DNAAF9: variants seen among roughly 807,000 people sequenced by gnomAD.
DNAAF9 encodes shulin.
In DNAAF9, 90 loss-of-function variants were observed where a neutral mutation model predicts 167.0. The ratio of observed to expected loss-of-function variants is 0.54; its 90% CI spans 0.45 to 0.64. DNAAF9 has a LOEUF of 0.64. DNAAF9 is among the 30% of genes least tolerant of loss of function. The pLI is 0.00. For synonymous variants in DNAAF9, 491 were observed against 508.8 expected, an observed-to-expected ratio of 0.96 and a Z score of 0.47; for missense variants, 1,315 against 1,442.2, an observed-to-expected ratio of 0.91 and a Z score of 1.43.
chr20:3,362,138 G>A (rs1169398339), intron 6 of DNAAF9: 17 of 1,393,126 alleles, frequency 1.2e-5, no homozygotes, highest in Admixed American at 1.8e-5. Context: ...CTGTATATTC[G>A]GTTTTCATAA....
chr20:3,269,936 C>T (rs1398056064), intron 30 of DNAAF9, among the ~76,000 whole-genome samples: 3 of 148,866 alleles, frequency 2.0e-5, no homozygotes, highest in Admixed American at 6.7e-5. Context: ...CCAGCCTGGA[C>T]GACAGAGGGA....
In DNAAF9 at chr20:3,362,347, C is replaced by G. The variant is rs6051790; in HGVS notation, c.613-2754G>C. The G allele has an allele frequency of 1.3e-3, 881 of 657,348 alleles. 13 individuals are homozygous for G. In the African/African-American group the frequency reaches 0.014, roughly 11 times the overall value. The allele number at this position is 657,348 out of a possible 1,614,324, so 40.7% of individuals were successfully genotyped here. On this transcript the variant is annotated intron_variant, in intron 6 of 36. Coordinates refer to ENST00000252032, the MANE Select transcript of DNAAF9 (RefSeq NM_001009984.3). ...CATCTTGCACTGCTGTCGCTTGAAG[C>G]GGTTTATTAATAATTATTGTTTACA... is the stretch of plus-strand genomic sequence containing the variant.
intron 12 of DNAAF9, among the ~76,000 whole-genome samples, chr20:3,328,869 CTTTTTT>C (rs572740669): frequency 7.3e-6 from 1 of 136,826 alleles, no homozygotes; most frequent in Non-Finnish European, 1.6e-5. Context: ...CACAATTTTC[CTTTTTT>C]TTTTTTTTTT....
At chr20:3,262,458 C>T (rs1006127325) in intron 31 of DNAAF9, among the ~76,000 whole-genome samples, 5 of 151,980 alleles carry the variant, frequency 3.3e-5, no homozygotes, top group African/African-American at 4.8e-5. Context: ...ACCATGTTGG[C>T]CAGGCTGATC....
intron 12 of DNAAF9, among the ~76,000 whole-genome samples, chr20:3,328,938 C>T (rs1480070522): frequency 2.0e-5 from 3 of 149,434 alleles, no homozygotes; most frequent in Admixed American, 6.7e-5. Flanking sequence ...GGCGCTATCT[C>T]GGCTCACTGC....
At chr20:3,333,300 G>C (rs1476388448) in intron 10 of DNAAF9, among the ~76,000 whole-genome samples, 1 of 152,084 alleles carries the variant, frequency 6.6e-6, no homozygotes, top group African/African-American at 2.4e-5. Flanking sequence ...TTCCTCTTCT[G>C]AAAATCCAAC....
chr20:3,338,109 CACAT>C (rs751736880), intron 10 of DNAAF9, among the ~76,000 whole-genome samples: 42 of 150,240 alleles, frequency 2.8e-4, no homozygotes, highest in Admixed American at 5.3e-4. Context: ...CATACACACA[CACAT>C]ACATAAAGAA....
chr20:3,270,336 T>C, intron 30 of DNAAF9, 91 bp downstream of exon 30: 2 of 1,243,770 alleles, frequency 1.6e-6, no homozygotes, highest in Non-Finnish European at 1.2e-6. Context: ...AATGTTTAGG[T>C]CTTAGATACA....
rs1235820550 is a variant in DNAAF9, at chr20:3,399,168, G to T, written c.83+8307C>A. Among the ~76,000 whole-genome samples, 3 of 152,068 alleles carry T rather than the reference G, an allele frequency of 2.0e-5. No homozygotes were observed. In the East Asian group the frequency reaches 5.8e-4, roughly 29 times the overall value. ...TTCATTCCACACAGCTACCTCCCTG[G>T]TAAAAATAAACAGTTGACTAATCCA... On this transcript the variant is annotated intron_variant, in intron 1 of 36. Coordinates refer to ENST00000252032, the MANE Select transcript of DNAAF9 (RefSeq NM_001009984.3).
Position 3,407,582 on chromosome 20 carries a change from G to A in DNAAF9, c.-25C>T. 6 of 1,230,594 alleles carry A rather than the reference G, an allele frequency of 4.9e-6. No homozygotes were observed. Among genetic ancestry groups the A allele is most frequent in the Non-Finnish European group, 6.1e-6 (6 of 987,004 alleles). The allele number at this position is 1,230,594 out of a possible 1,614,324, so 76.2% of individuals were successfully genotyped here. A position where few individuals can be genotyped will look rare whatever the true frequency, so the allele number is the denominator to read the frequency against. On this transcript the variant is annotated 5_prime_UTR_variant, in exon 1 of 37. Coordinates refer to ENST00000252032, the MANE Select transcript of DNAAF9 (RefSeq NM_001009984.3). The stretch of plus-strand genomic sequence containing the variant: ...TGGCGGCGGACGACTGGCGGCGGAG[G>A]AGGACGGTGCAGCTGCGAGGGTCTC...
At chr20:3,405,145 T>C (rs2084038856) in intron 1 of DNAAF9, among the ~76,000 whole-genome samples, 1 of 152,238 alleles carries the variant, frequency 6.6e-6, no homozygotes, top group South Asian at 2.1e-4. Flanking sequence ...AAAATTCTAC[T>C]ACATGCTCAA....
chr20:3,330,149 C>G (rs1239728618), intron 12 of DNAAF9, among the ~76,000 whole-genome samples: 1 of 152,190 alleles, frequency 6.6e-6, no homozygotes, highest in Non-Finnish European at 1.5e-5. Flanking sequence ...GAGAGAAGAG[C>G]AGATGGCAAA....
intron 17 of DNAAF9, among the ~76,000 whole-genome samples, 166 bp downstream of exon 17, chr20:3,318,123 T>G (rs6051738): frequency 0.89 from 123,453 of 139,402 alleles, 54,898 homozygotes; most frequent in East Asian, 1. Context: ...TTTTTTTTGA[T>G]ACGGGGTCTC....
chr20:3,353,518 C>T (rs1483761954), intron 7 of DNAAF9, among the ~76,000 whole-genome samples: 2 of 151,694 alleles, frequency 1.3e-5, no homozygotes, highest in Non-Finnish European at 2.9e-5. Context: ...GTCCCAGCCT[C>T]TAGGGAAGCT....
At position 3,252,606 on chromosome 20, in the gene DNAAF9, T is replaced by C; in HGVS notation, c.3500A>G (p.Gln1167Arg). 1 of 1,611,532 alleles carries C rather than the reference T, an allele frequency of 6.2e-7. No homozygotes were observed. Among genetic ancestry groups the C allele is most frequent in the Non-Finnish European group, 8.5e-7 (1 of 1,177,590 alleles). ...CAGCTCAAAGAGGTCATGATACTCCTGCTGTTCCAGCTCCTGGTTATACTT... is the reference window on the plus strand; with the variant it reads ...CAGCTCAAAGAGGTCATGATACTCCCGCTGTTCCAGCTCCTGGTTATACTT... ...IEKYNQELEQ[Q>R]EYHDLFELKP Residue 1167 changes from glutamine to arginine, a missense_variant, in exon 37 of 37, where the codon CAG becomes CGG. By Grantham distance (43) the Gln-to-Arg change is conservative. Around this residue, in one of 2 missense-constraint regions of DNAAF9, gnomAD observed 334 missense variants for 429.7 expected, o/e 0.78. Coordinates refer to ENST00000252032, the MANE Select transcript of DNAAF9 (RefSeq NM_001009984.3).
chr20:3,285,595 C>T (rs371802456), intron 27 of DNAAF9, among the ~76,000 whole-genome samples: 34 of 151,566 alleles, frequency 2.2e-4, no homozygotes, highest in African/African-American at 8.0e-4. Context: ...ACGAGAATTG[C>T]TTGAACCCAG....
At chr20:3,393,129 A>G (rs239488) in intron 1 of DNAAF9, among the ~76,000 whole-genome samples, 112,468 of 152,098 alleles carry the variant, frequency 0.74, 41,755 homozygotes, top group African/African-American at 0.8. Context: ...GGTCAGGTGC[A>G]GTGGCTCATA....
At chr20:3,351,615 A>G (rs891553027) in intron 7 of DNAAF9, among the ~76,000 whole-genome samples, 6 of 152,166 alleles carry the variant, frequency 3.9e-5, no homozygotes, top group Non-Finnish European at 5.9e-5. Context: ...GAAAACACAC[A>G]CATGCATACA....
chr20:3,332,912 T>TGTGC (rs1371535135), intron 10 of DNAAF9, among the ~76,000 whole-genome samples: 2 of 145,222 alleles, frequency 1.4e-5, no homozygotes, highest in Admixed American at 6.7e-5. Context: ...TGTGTGTGTG[T>TGTGC]GTGTGTGTGT....
Sources: allele counts gnomAD v4.1 joint callset (sites outside exome capture counted in the v4.1 genomes callset), GRCh38; gene constraint gnomAD v4.1.1; regional missense constraint gnomAD v4.1.1; transcripts MANE v1.5; gene names NCBI Gene and HGNC (gene_info 2026-07-23, HGNC 2026-07-21).